RTN1: variants seen among roughly 807,000 people sequenced by gnomAD.
The protein encoded by RTN1 is reticulon 1.
A neutral mutation model predicts 65.5 loss-of-function variants in RTN1; 25 were observed. That is an observed-to-expected ratio of 0.38 (90% CI 0.28 to 0.53). RTN1 has a LOEUF of 0.53. Among genes scored for constraint, RTN1 ranks in the 20% least tolerant of loss-of-function variants. RTN1 has a pLI of 0.79. For synonymous variants in RTN1, 471 were observed against 447.6 expected (o/e 1.05, Z -0.66); for missense variants, 983 against 1,025.4 (o/e 0.96, Z 0.57).
intron 3 of RTN1, among the ~76,000 whole-genome samples, chr14:59,641,965 C>T (rs1345817016): frequency 1.3e-5 from 2 of 152,104 alleles, no homozygotes; most frequent in African/African-American, 4.8e-5. Context: ...CCATTCATAC[C>T]ATTCCTTCCA....
chr14:59,870,540 C>T lies in RTN1; in HGVS notation c.91G>A (p.Glu31Lys). ...GTGGCCCCTTTCGGCGTCACCGCTTCGTTCTCCCCCTCCCCCCGGTGCCTG... is the reference window on the plus strand; with the variant it reads ...GTGGCCCCTTTCGGCGTCACCGCTTTGTTCTCCCCCTCCCCCCGGTGCCTG... Reference protein sequence around the residue: ...WLRHRGEGENEAVTPKGATPA... With the variant: ...WLRHRGEGENKAVTPKGATPA... The change falls in exon 1 of 9, where the codon GAA becomes AAA. Residue 31 changes from glutamate to lysine, a missense_variant. Physicochemically the swap from Glu to Lys is moderately conservative, Grantham distance 56. This residue lies in a region of RTN1 where 818 missense variants were observed against 801.8 expected (regional missense o/e 1.02). Coordinates refer to ENST00000267484, the MANE Select transcript of RTN1 (RefSeq NM_021136.3). The surrounding 1 kb of genome is among the most constrained non-coding windows in gnomAD (Gnocchi z 5.1). The T allele has an allele frequency of 2.1e-6, 3 of 1,458,596 alleles. No individual in the cohort carries two copies. Among genetic ancestry groups the T allele is most frequent in the Non-Finnish European group, 1.8e-6 (2 of 1,111,040 alleles). The allele number at this position is 1,458,596 out of a possible 1,614,324, so 90.4% of individuals were successfully genotyped here.
chr14:59,820,049 C>T (rs914229501), intron 1 of RTN1, among the ~76,000 whole-genome samples: 1 of 152,214 alleles, frequency 6.6e-6, no homozygotes, highest in African/African-American at 2.4e-5. Context: ...ACGCCAAGGC[C>T]GAGGAGGCGC....
chr14:59,648,824 A>G (rs568797756), intron 3 of RTN1, among the ~76,000 whole-genome samples: 15 of 152,356 alleles, frequency 9.8e-5, no homozygotes, highest in Admixed American at 2.6e-4. Flanking sequence ...AACCACAGCC[A>G]ACATCATACA....
chr14:59,842,872 A>G (rs1287071356), intron 1 of RTN1, among the ~76,000 whole-genome samples: 1 of 152,208 alleles, frequency 6.6e-6, no homozygotes, highest in East Asian at 1.9e-4. Flanking sequence ...TAAAACTTTC[A>G]TGTACTGTAA....
intron 3 of RTN1, among the ~76,000 whole-genome samples, chr14:59,645,152 C>A (rs1882863280): frequency 6.6e-6 from 1 of 151,492 alleles, no homozygotes; most frequent in African/African-American, 2.4e-5. Flanking sequence ...ATCTCCTGAC[C>A]AAGATTTACA....
At chr14:59,828,135 T>C (rs373074305) in intron 1 of RTN1, among the ~76,000 whole-genome samples, 36 of 152,342 alleles carry the variant, frequency 2.4e-4, no homozygotes, top group African/African-American at 8.4e-4. Flanking sequence ...TTCAGAATCA[T>C]TTCTCCTGAC....
At position 59,596,014 on chromosome 14, in the gene RTN1, T is replaced by C. The variant is rs1881383871; in HGVS notation, c.*731A>G. 1 of 152,746 alleles carries C rather than the reference T, an allele frequency of 6.5e-6. No individual in the cohort carries two copies. Among genetic ancestry groups the C allele is most frequent in the Middle Eastern group, 3.4e-3 (1 of 292 alleles). The allele number at this position is 152,746 out of a possible 1,614,324, so 9.5% of individuals were successfully genotyped here. A position where few individuals can be genotyped will look rare whatever the true frequency, so the allele number is the denominator to read the frequency against. On this transcript the variant is annotated 3_prime_UTR_variant, in exon 9 of 9. Transcript: ENST00000267484. ...TAGTAACATTTATTTATGCATTCAG[T>C]ATCAAGTACATAAGTGCAAATATCC...
intron 1 of RTN1, among the ~76,000 whole-genome samples, chr14:59,830,131 C>A (rs1012282844): frequency 6.6e-6 from 1 of 152,200 alleles, no homozygotes; most frequent in Non-Finnish European, 1.5e-5. Flanking sequence ...CCTCTGCCCA[C>A]CAGCAGCACC....
chr14:59,750,501 C>A (rs922414684), intron 1 of RTN1, among the ~76,000 whole-genome samples: 2 of 40,652 alleles, frequency 4.9e-5, no homozygotes, highest in Non-Finnish European at 7.7e-5. Context: ...TATATTATAT[C>A]TATAATATAT....
chr14:59,696,710 T>C (rs936334015), intron 3 of RTN1, among the ~76,000 whole-genome samples: 2 of 152,176 alleles, frequency 1.3e-5, no homozygotes, highest in Non-Finnish European at 2.9e-5. Flanking sequence ...GAAGCTGCTG[T>C]AACCTAGCTG....
chr14:59,721,902 T>C (rs1200719391), intron 3 of RTN1, among the ~76,000 whole-genome samples: 1 of 152,176 alleles, frequency 6.6e-6, no homozygotes, highest in Non-Finnish European at 1.5e-5. Context: ...CTAAATGATT[T>C]TGTTGCTCTC....
chr14:59,719,834 A>G (rs2139466176), intron 3 of RTN1, among the ~76,000 whole-genome samples: 1 of 152,334 alleles, frequency 6.6e-6, no homozygotes, highest in East Asian at 1.9e-4. Context: ...CTCCATTATT[A>G]TAAGTTAGGT....
intron 3 of RTN1, among the ~76,000 whole-genome samples, chr14:59,665,537 C>T (rs10139574): frequency 0.065 from 9,841 of 152,146 alleles, 1,054 homozygotes; most frequent in African/African-American, 0.22. Context: ...CATCAATTAA[C>T]GGGCAAAATA....
In RTN1 at chr14:59,727,225, A is replaced by G; in HGVS notation, c.1459T>C (p.Ser487Pro). Residue 487 changes from serine to proline, a missense_variant, in exon 3 of 9, where the codon TCA becomes CCA. By Grantham distance (74) the Ser-to-Pro change is moderately conservative. Transcript: ENST00000267484. This position sits in a 1 kb window ranked among gnomAD's most constrained non-coding sequence, Gnocchi z 4.2. Reference sequence around the variant, plus strand: ...AGGGCGCTGGGCTTCATCGGGGGTGAGTCCTGCTCCCGCTTGGGGCTCTCC... The same window carrying G: ...AGGGCGCTGGGCTTCATCGGGGGTGGGTCCTGCTCCCGCTTGGGGCTCTCC... ...SEESPKREQDSPPMKPSALDA... is the reference protein window; with the variant it reads ...SEESPKREQDPPPMKPSALDA... 1 of 1,562,052 alleles carries G rather than the reference A, an allele frequency of 6.4e-7. No individual in the cohort carries two copies. The highest frequency in any genetic ancestry group is 8.7e-7 in the Non-Finnish European group (1 of 1,154,102).
intron 1 of RTN1, among the ~76,000 whole-genome samples, chr14:59,817,823 C>G (rs994142101): frequency 6.6e-6 from 1 of 152,152 alleles, no homozygotes; most frequent in Non-Finnish European, 1.5e-5. Context: ...TAGATATAAA[C>G]CAGTGCTTAA....
At chr14:59,646,145 G>T (rs1882891501) in intron 3 of RTN1, among the ~76,000 whole-genome samples, 1 of 152,144 alleles carries the variant, frequency 6.6e-6, no homozygotes. Context: ...AAAACAAACT[G>T]CAAGATTTTC....
chr14:59,635,563 C>A (rs1229306734), intron 3 of RTN1, among the ~76,000 whole-genome samples: 1 of 152,014 alleles, frequency 6.6e-6, no homozygotes, highest in Non-Finnish European at 1.5e-5. Flanking sequence ...ATTCTACAGT[C>A]CTTTCATTGT....
chr14:59,866,795 T>C (rs1887806405), intron 1 of RTN1, among the ~76,000 whole-genome samples: 2 of 152,150 alleles, frequency 1.3e-5, no homozygotes, highest in African/African-American at 4.8e-5. Context: ...CTGAAGGGGA[T>C]TACCTGGAAA....
chr14:59,779,535 C>T lies in RTN1; in HGVS notation c.242-33054G>A, dbSNP rs191429016. Among the ~76,000 whole-genome samples, 692 of 151,840 alleles carry T rather than the reference C, an allele frequency of 4.6e-3. 5 individuals carry two copies. The highest frequency in any genetic ancestry group is 7.5e-3 in the Admixed American group (115 of 15,242). ...TCTCCATTTCAGGTGTTGACCGAGG[C>T]GCAGGAGCCAGCAAAGGGGACAAGA... On this transcript the variant is annotated intron_variant, in intron 1 of 8. Transcript: ENST00000267484.
Sources: gnomAD v4.1 joint callset for allele counts (sites outside exome capture counted in the v4.1 genomes callset) on GRCh38, gnomAD v4.1.1 for gene constraint, gnomAD v4.1.1 regional missense constraint, Gnocchi (gnomAD v3.1) non-coding constraint, MANE v1.5 for transcripts, NCBI Gene and HGNC (gene_info 2026-07-23, HGNC 2026-07-21) for gene names.